PLEK: variants seen among roughly 807,000 people sequenced by gnomAD.
PLEK encodes the protein platelet 47 kDa protein.
A neutral mutation model predicts 43.9 loss-of-function variants in PLEK; 25 were observed. The ratio of observed to expected loss-of-function variants is 0.57; its 90% CI spans 0.41 to 0.79. The LOEUF is 0.79. Ranked by LOEUF, PLEK falls within the 30% of genes least tolerant of loss-of-function variation. The pLI is 0.00. For missense variants in PLEK, 396 were observed against 413.3 expected (o/e 0.96, Z 0.36); for synonymous variants, 152 against 144.4 (o/e 1.05, Z -0.38).
chr2:68,365,814 A>G (rs1278765654), intron 1 of PLEK, among the ~76,000 whole-genome samples: 1 of 152,076 alleles, frequency 6.6e-6, no homozygotes, highest in Non-Finnish European at 1.5e-5. Context: ...AGGGGAAAAA[A>G]GTGATTAAAG....
At chr2:68,370,315 C>T (rs1477602414) in intron 1 of PLEK, among the ~76,000 whole-genome samples, 1 of 152,124 alleles carries the variant, frequency 6.6e-6, no homozygotes, top group Non-Finnish European at 1.5e-5. Context: ...TTGCCCCAAC[C>T]CTCAGCCATT....
At chr2:68,380,600 A>T in intron 2 of PLEK, 117 bp downstream of exon 2, 1 of 1,388,340 alleles carries the variant, frequency 7.2e-7, no homozygotes, top group Non-Finnish European at 1.0e-6. Context: ...CACCACCCAC[A>T]CCCCACCCTG....
chr2:68,373,666 A>G (rs4671208), intron 1 of PLEK, among the ~76,000 whole-genome samples: 121,388 of 151,918 alleles, frequency 0.8, 49,248 homozygotes, highest in African/African-American at 0.93. Context: ...ATGCAATGCC[A>G]GCTTATCGCT....
At position 68,393,218 on chromosome 2, in the gene PLEK, C is replaced by T; in HGVS notation, c.819C>T (p.Ala273=). 1 of 1,611,100 alleles carries T rather than the reference C, an allele frequency of 6.2e-7. No homozygotes were observed. Among genetic ancestry groups the T allele is most frequent in the Middle Eastern group, 1.7e-4 (1 of 6,054 alleles). The change falls in exon 7 of 9, where the codon GCC becomes GCT. Residue 273 remains alanine, a synonymous_variant. Transcript: ENST00000234313. ...VRKFILREDP[A]YLHYYDPAGA... is the part of the protein sequence containing the mutation. ...AGTTCATCTTGAGAGAAGACCCTGCCTACCTGCACTACTATGACCCTGCTG... is the reference window on the plus strand; with the variant it reads ...AGTTCATCTTGAGAGAAGACCCTGCTTACCTGCACTACTATGACCCTGCTG...
chr2:68,377,516 G>A (rs1458266080), intron 1 of PLEK, among the ~76,000 whole-genome samples: 8 of 152,130 alleles, frequency 5.3e-5, no homozygotes, highest in African/African-American at 1.9e-4. Context: ...TTTCTCTGAT[G>A]ATCAGTGATG....
intron 1 of PLEK, among the ~76,000 whole-genome samples, chr2:68,371,797 G>T (rs1301631747): frequency 1.3e-5 from 2 of 151,064 alleles, no homozygotes; most frequent in African/African-American, 4.9e-5. Context: ...AACGAGTTTA[G>T]TTTTTTTTTG....
At chr2:68,375,053 G>C (rs965008417) in intron 1 of PLEK, among the ~76,000 whole-genome samples, 3 of 152,158 alleles carry the variant, frequency 2.0e-5, no homozygotes, top group Admixed American at 2.0e-4. Context: ...CTTTGCCCAG[G>C]AGTGAAATTG....
Position 68,370,470 on chromosome 2 carries a change from GTTTTT to G in PLEK, c.42+5078_42+5082del, listed in dbSNP as rs1314432854. On this transcript the variant is annotated intron_variant, in intron 1 of 8. Transcript: ENST00000234313. Reference sequence around the variant, plus strand: ...CAGAGATAGGGTCTTGTTTATTTTTGTTTTTATTTTTATTTTATTTATTTATGTAT... The same window carrying G: ...CAGAGATAGGGTCTTGTTTATTTTTGATTTTTATTTTATTTATTTATGTAT... Among the ~76,000 whole-genome samples the G allele has an allele frequency of 7.2e-5, 11 of 152,138 alleles. 3 individuals are homozygous for G. The highest frequency in any genetic ancestry group is 2.6e-4 in the African/African-American group (11 of 41,528).
At chr2:68,371,619 A>G (rs928790086) in intron 1 of PLEK, among the ~76,000 whole-genome samples, 2 of 152,228 alleles carry the variant, frequency 1.3e-5, no homozygotes, top group Non-Finnish European at 2.9e-5. Context: ...GAGAGAATGA[A>G]GTTTAAAAAC....
In PLEK at chr2:68,380,816, A is replaced by G; in HGVS notation, c.292A>G (p.Lys98Glu). 6.2e-7 allele frequency: 1 copy of G among 1,614,010 alleles called. No individual in the cohort carries two copies. The highest frequency in any genetic ancestry group is 2.2e-5 in the East Asian group (1 of 44,880). ...AGATGCCTGGGTTCGGGATATCAAG[A>G]AGGCCATTAAATGCATTGAAGGAGG... ...ERDAWVRDIK[K>E]AIKCIEGGQK... is the part of the protein sequence containing the mutation. Residue 98 changes from lysine to glutamate, a missense_variant, in exon 3 of 9, where the codon AAG (lysine) becomes GAG (glutamate). Physicochemically the swap from Lys to Glu is moderately conservative, Grantham distance 56. Transcript: ENST00000234313.
At chr2:68,366,641 G>C (rs6714719) in intron 1 of PLEK, among the ~76,000 whole-genome samples, 40,194 of 152,104 alleles carry the variant, frequency 0.26, 5,646 homozygotes, top group Middle Eastern at 0.36. Context: ...TGGAGAATAA[G>C]TGGGCCCTCA....
chr2:68,379,072 T>G (rs1334381996), intron 1 of PLEK, among the ~76,000 whole-genome samples: 4 of 152,086 alleles, frequency 2.6e-5, no homozygotes, highest in Non-Finnish European at 4.4e-5. Context: ...AGGCGGAGCT[T>G]GCAGTGAGCT....
At chr2:68,393,467 A>T (rs1673900188) in intron 7 of PLEK, among the ~76,000 whole-genome samples, 1 of 152,150 alleles carries the variant, frequency 6.6e-6, no homozygotes, top group Non-Finnish European at 1.5e-5. Flanking sequence ...ATGGAACAAA[A>T]TATCACTATA....
In PLEK at chr2:68,386,577, C is replaced by T. The variant is rs148824923; in HGVS notation, c.548C>T (p.Ser183Leu). 53 of 1,612,688 alleles carry T rather than the reference C, an allele frequency of 3.3e-5. No homozygotes were observed. The highest frequency in any genetic ancestry group is 5.0e-5 in the Admixed American group (3 of 59,982). Residue 183 changes from serine to leucine, a missense_variant, in exon 5 of 9, where the codon TCG becomes TTG. Coordinates refer to ENST00000234313, the MANE Select transcript of PLEK (RefSeq NM_002664.3). ...NRQEGLMIAS[S>L]LLNEGYLQPA... Reference sequence around the variant, plus strand: ...CAGGAAGGCCTCATGATTGCTTCATCGCTGCTCAATGAGGGGTATCTGCAG... The same window carrying T: ...CAGGAAGGCCTCATGATTGCTTCATTGCTGCTCAATGAGGGGTATCTGCAG...
intron 1 of PLEK, among the ~76,000 whole-genome samples, chr2:68,373,903 T>A (rs935851305): frequency 1.3e-5 from 2 of 152,222 alleles, no homozygotes; most frequent in South Asian, 4.1e-4. Flanking sequence ...TCACTAAAAG[T>A]ATATTCTAAA....
chr2:68,394,223 C>T lies in PLEK; in HGVS notation c.916+47C>T, dbSNP rs752019816. On this transcript the variant is annotated intron_variant, in intron 8 of 8. Transcript: ENST00000234313. ...GAGAGGTGGGTCTGCTCAGACTCCCCTCCCACACCTGGACATCCTGGGCCA... is the reference window on the plus strand; with the variant it reads ...GAGAGGTGGGTCTGCTCAGACTCCCTTCCCACACCTGGACATCCTGGGCCA... 16 of 1,049,164 alleles carry T rather than the reference C, an allele frequency of 1.5e-5. No homozygotes were observed. The South Asian group carries it at 1.6e-4, about 11-fold the overall frequency. 65.0% of individuals were successfully genotyped at this position (1,049,164 alleles called of 1,614,324 possible).
intron 6 of PLEK, among the ~76,000 whole-genome samples, chr2:68,392,174 C>CCTT (rs376729611): frequency 2.2e-4 from 33 of 149,386 alleles, no homozygotes; most frequent in Admixed American, 1.5e-3. Context: ...TCCTCCTCCT[C>CCTT]CTTCTTCTTC....
At chr2:68,372,419 A>G (rs528154704) in intron 1 of PLEK, among the ~76,000 whole-genome samples, 2 of 152,086 alleles carry the variant, frequency 1.3e-5, no homozygotes, top group East Asian at 1.9e-4. Flanking sequence ...CAAGTGATCC[A>G]CCCACCTCAG....
chr2:68,384,186 TC>T (rs1454240313), intron 4 of PLEK, among the ~76,000 whole-genome samples: 1 of 146,652 alleles, frequency 6.8e-6, no homozygotes, highest in Admixed American at 6.7e-5. Flanking sequence ...TCCTTCTCCT[TC>T]TCCTTCTCCT....
Sources: allele counts gnomAD v4.1 joint callset (sites outside exome capture counted in the v4.1 genomes callset), GRCh38; gene constraint gnomAD v4.1.1; transcripts MANE v1.5; gene names NCBI Gene and HGNC (gene_info 2026-07-23, HGNC 2026-07-21).